RGS6: variants seen among roughly 807,000 people sequenced by gnomAD.
The protein encoded by RGS6 is regulator of G protein signaling 6.
A neutral mutation model predicts 78.5 loss-of-function variants in RGS6; 30 were observed. That is an observed-to-expected ratio of 0.38 (90% confidence interval 0.29 to 0.52). The LOEUF (loss-of-function observed/expected upper bound fraction) is 0.52. RGS6 is among the 20% of genes least tolerant of loss of function. The probability of loss-of-function intolerance (pLI) is 0.85; values close to 1 mark genes in which losing one functional copy is unlikely to be tolerated. For missense variants in RGS6, 495 were observed against 609.7 expected (o/e 0.81, Z 1.98); for synonymous variants, 206 against 206.0 (o/e 1.00, Z 0.00).
Position 72,540,066 on chromosome 14 carries a change from C to G in RGS6, c.1394C>G (p.Thr465Ser). ...CCAGAAAGTGAGCAAGGTCGTAGAA[C>G]TTCCCTAGAAAAGTTCACTCGCAGT... is the stretch of plus-strand genomic sequence containing the variant. ...KKPESEQGRR[T>S]SLEKFTRSVG... Residue 465 changes from threonine to serine, a missense_variant, in exon 17 of 18, where the codon ACT (threonine) becomes AGT (serine). By Grantham distance (58) the Thr-to-Ser change is moderately conservative. Coordinates refer to ENST00000553525, the MANE Select transcript of RGS6 (RefSeq NM_001204424.2). 6.3e-7 allele frequency: 1 copy of G among 1,587,356 alleles called. No individual in the cohort carries two copies. The highest frequency in any genetic ancestry group is 8.5e-7 in the Non-Finnish European group (1 of 1,176,492).
At chr14:72,582,101 G>A in the RGS6 span, among the ~76,000 whole-genome samples, 2 of 152,124 alleles carry the variant, frequency 1.3e-5, no homozygotes, top group Non-Finnish European at 2.9e-5. Context: ...TCTTGCAGAG[G>A]GAGAACCCAC....
chr14:72,601,646 A>G, the RGS6 span, among the ~76,000 whole-genome samples: 1 of 152,246 alleles, frequency 6.6e-6, no homozygotes, highest in Non-Finnish European at 1.5e-5. Context: ...TTTGCTAATT[A>G]TCCATGTCAG....
intron 3 of RGS6, among the ~76,000 whole-genome samples, chr14:72,441,238 G>A (rs1354003539): frequency 2.0e-5 from 3 of 152,100 alleles, no homozygotes; most frequent in Non-Finnish European, 2.9e-5. Context: ...ACCCCTGCAG[G>A]CCTCAGGGAC....
chr14:72,459,603 T>A (rs1476617798), intron 5 of RGS6, 29 bp from the exon 6 acceptor site: 2 of 1,613,342 alleles, frequency 1.2e-6, no homozygotes, highest in Non-Finnish European at 1.7e-6. Flanking sequence ...GGCGCGCCCC[T>A]GAGCACTAAC....
chr14:72,213,983 G>A (rs2044849245), intron 2 of RGS6, among the ~76,000 whole-genome samples: 1 of 152,076 alleles, frequency 6.6e-6, no homozygotes, highest in Non-Finnish European at 1.5e-5. Context: ...GTGCTGAAGA[G>A]GTAGTTGTCA....
chr14:72,237,021 A>C (rs2051261066), intron 2 of RGS6, among the ~76,000 whole-genome samples: 3 of 152,150 alleles, frequency 2.0e-5, no homozygotes, highest in South Asian at 2.1e-4. Flanking sequence ...TTTTCTCAGC[A>C]TGGATTACTT....
intron 2 of RGS6, among the ~76,000 whole-genome samples, chr14:71,983,034 T>C (rs190691853): frequency 2.0e-5 from 3 of 152,212 alleles, no homozygotes; most frequent in Admixed American, 6.5e-5. Flanking sequence ...TGAAGAAAAG[T>C]GAAACTTCCA....
intron 17 of RGS6, chr14:72,540,797 C>G (rs1408107206): frequency 2.9e-5 from 29 of 985,408 alleles, no homozygotes; most frequent in Non-Finnish European, 3.5e-5. Context: ...TTGATTCTAA[C>G]AGGCTGGGTA....
intron 2 of RGS6, among the ~76,000 whole-genome samples, chr14:72,027,257 A>G (rs2090057008): frequency 1.3e-5 from 2 of 152,188 alleles, no homozygotes; most frequent in African/African-American, 2.4e-5. Flanking sequence ...GCATGTGTGT[A>G]TAATATACAC....
chr14:72,599,081 C>T, the RGS6 span, among the ~76,000 whole-genome samples: 1 of 152,228 alleles, frequency 6.6e-6, no homozygotes, highest in Non-Finnish European at 1.5e-5. Context: ...TTACCCTAAG[C>T]AAGCCTCCAC....
chr14:72,203,787 C>T (rs2042100384), intron 2 of RGS6, among the ~76,000 whole-genome samples: 1 of 150,192 alleles, frequency 6.7e-6, no homozygotes, highest in South Asian at 2.1e-4. Context: ...AAAATATACA[C>T]AACATTATTT....
the RGS6 span, among the ~76,000 whole-genome samples, chr14:72,571,804 A>C: frequency 6.7e-6 from 1 of 149,906 alleles, no homozygotes; most frequent in South Asian, 2.1e-4. Flanking sequence ...AAAGAAAAAA[A>C]TAGACAAATT....
At chr14:72,112,663 G>T (rs1261912443) in intron 2 of RGS6, among the ~76,000 whole-genome samples, 2 of 152,202 alleles carry the variant, frequency 1.3e-5, no homozygotes, top group East Asian at 3.9e-4. Flanking sequence ...ATAGTCCTAT[G>T]CATGAGGAAT....
the RGS6 span, chr14:72,619,813 G>T: frequency 8.3e-7 from 1 of 1,208,016 alleles, no homozygotes. Context: ...AAACCCATTA[G>T]CATAAGGCCT....
At chr14:72,032,430 G>T (rs2091043248) in intron 2 of RGS6, among the ~76,000 whole-genome samples, 1 of 152,072 alleles carries the variant, frequency 6.6e-6, no homozygotes, top group Non-Finnish European at 1.5e-5. Flanking sequence ...CAATAAGACT[G>T]GGTATTTTTC....
At chr14:72,090,711 T>C (rs1220083862) in intron 2 of RGS6, among the ~76,000 whole-genome samples, 1 of 152,136 alleles carries the variant, frequency 6.6e-6, no homozygotes, top group African/African-American at 2.4e-5. Flanking sequence ...TGGGTCTTCT[T>C]AGAGGTTAAA....
chr14:72,539,128 G>A (rs1168579888), intron 16 of RGS6, among the ~76,000 whole-genome samples: 1 of 152,136 alleles, frequency 6.6e-6, no homozygotes. Context: ...AGGAAATGTG[G>A]GGTGAAAGGA....
At chr14:72,470,648 T>TG (rs749555333) in intron 8 of RGS6, among the ~76,000 whole-genome samples, 244 of 151,734 alleles carry the variant, frequency 1.6e-3, no homozygotes, top group Non-Finnish European at 2.4e-3. Flanking sequence ...GAGACCGAGG[T>TG]GGGGGTGGAT....
At chr14:72,122,703 A>G (rs946968600) in intron 2 of RGS6, among the ~76,000 whole-genome samples, 1 of 150,736 alleles carries the variant, frequency 6.6e-6, no homozygotes, top group African/African-American at 2.4e-5. Context: ...TCTGTTCTGA[A>G]TCAGAATGAG....
Sources: gnomAD v4.1 joint callset for allele counts (sites outside exome capture counted in the v4.1 genomes callset) on GRCh38, gnomAD v4.1.1 for gene constraint, MANE v1.5 for transcripts, NCBI Gene and HGNC (gene_info 2026-07-23, HGNC 2026-07-21) for gene names.